FAM13A: variants seen among roughly 807,000 people sequenced by gnomAD.
FAM13A encodes the protein family with sequence similarity 13 member A.
FAM13A carries 76 observed loss-of-function variants against 129.6 expected under a neutral mutation model. The ratio of observed to expected loss-of-function variants is 0.59; its 90% CI spans 0.49 to 0.71. FAM13A has a LOEUF of 0.71. Among genes scored for constraint, FAM13A ranks in the 30% least tolerant of loss-of-function variants. The pLI is 0.00. For missense variants in FAM13A, 1,108 were observed against 1,249.3 expected, an observed-to-expected ratio of 0.89 and a Z score of 1.70; for synonymous variants, 443 against 449.9, an observed-to-expected ratio of 0.98 and a Z score of 0.20.
At chr4:88,997,647 T>C (rs1444023832) in intron 3 of FAM13A, among the ~76,000 whole-genome samples, 1 of 152,212 alleles carries the variant, frequency 6.6e-6, no homozygotes, top group Non-Finnish European at 1.5e-5. Context: ...TCTTGACATG[T>C]ATCCTAGTGT....
intron 4 of FAM13A, among the ~76,000 whole-genome samples, chr4:88,979,301 A>G (rs10470936): frequency 0.37 from 56,464 of 152,074 alleles, 10,540 homozygotes; most frequent in Middle Eastern, 0.51. Context: ...TGATACGCAT[A>G]CCCTTTAACC....
chr4:88,795,273 C>T (rs1206814643), intron 8 of FAM13A, among the ~76,000 whole-genome samples: 1 of 151,734 alleles, frequency 6.6e-6, no homozygotes, highest in Non-Finnish European at 1.5e-5. Flanking sequence ...CATACCTTCT[C>T]TAATTCATGT....
At chr4:88,743,613 AT>A (rs1740682312) in intron 19 of FAM13A, among the ~76,000 whole-genome samples, 1 of 152,142 alleles carries the variant, frequency 6.6e-6, no homozygotes, top group South Asian at 2.1e-4. Context: ...AACCGTGATG[AT>A]TTTTGGATCT....
chr4:89,049,939 T>C (rs1579935006), intron 1 of FAM13A, among the ~76,000 whole-genome samples: 1 of 136,786 alleles, frequency 7.3e-6, no homozygotes, highest in African/African-American at 3.7e-5. Context: ...GCAACATTAA[T>C]TTAACAACTA....
intron 5 of FAM13A, among the ~76,000 whole-genome samples, chr4:88,919,786 T>A (rs1355727533): frequency 6.6e-6 from 1 of 152,232 alleles, no homozygotes; most frequent in Admixed American, 6.5e-5. Context: ...GGGAGTTCCC[T>A]TTCCTAGTCA....
chr4:89,046,633 T>C (rs1275320465), intron 1 of FAM13A, among the ~76,000 whole-genome samples: 2 of 152,152 alleles, frequency 1.3e-5, no homozygotes, highest in Non-Finnish European at 2.9e-5. Context: ...GCAGACTGCT[T>C]GAGCCCAGGA....
intron 7 of FAM13A, among the ~76,000 whole-genome samples, chr4:88,811,601 G>A (rs3775383): frequency 7.2e-6 from 1 of 138,562 alleles, no homozygotes; most frequent in Admixed American, 7.4e-5. Context: ...GTTCTTAAGT[G>A]GGGGGTGGGA....
At chr4:88,754,547 C>T (rs139518448) in intron 14 of FAM13A, among the ~76,000 whole-genome samples, 2 of 152,250 alleles carry the variant, frequency 1.3e-5, no homozygotes, top group Non-Finnish European at 2.9e-5. Context: ...AGCCATTACT[C>T]CTTGGCAAGA....
chr4:88,879,470 C>A (rs1377470810), intron 6 of FAM13A, among the ~76,000 whole-genome samples: 2 of 152,148 alleles, frequency 1.3e-5, no homozygotes, highest in East Asian at 3.9e-4. Flanking sequence ...TCTCTCTAAG[C>A]CTGCTTTCTT....
In FAM13A at chr4:88,999,121, A is replaced by G. The variant is rs527443049; in HGVS notation, c.428-7971T>C. Among the ~76,000 whole-genome samples the G allele has an allele frequency of 2.0e-5, 3 of 152,288 alleles. No homozygotes were observed. In the South Asian group the frequency reaches 6.2e-4, roughly 32 times the overall value. ...CCTCCTGTTCCCAGAGAGAACCTGT[A>G]TGTCCAAGAGCAAAGGCCTGCAGGA... On this transcript the variant is annotated intron_variant, in intron 3 of 23. Coordinates refer to ENST00000264344, the MANE Select transcript of FAM13A (RefSeq NM_014883.4).
At chr4:88,770,220 G>C (rs1348230075) in intron 11 of FAM13A, among the ~76,000 whole-genome samples, 1 of 152,148 alleles carries the variant, frequency 6.6e-6, no homozygotes, top group African/African-American at 2.4e-5. Flanking sequence ...TTATAAAATG[G>C]CTCCCATTAA....
At chr4:88,905,513 C>A (rs1052958360) in intron 6 of FAM13A, among the ~76,000 whole-genome samples, 1 of 152,088 alleles carries the variant, frequency 6.6e-6, no homozygotes, top group African/African-American at 2.4e-5. Flanking sequence ...AGGTATTAAG[C>A]CCAGTACCCG....
At chr4:88,745,631 C>G (rs1741152019) in intron 19 of FAM13A, among the ~76,000 whole-genome samples, 1 of 152,166 alleles carries the variant, frequency 6.6e-6, no homozygotes, top group African/African-American at 2.4e-5. Context: ...GAGTGTCTCT[C>G]TGATAAAAGA....
At chr4:89,043,177 G>A (rs10024807) in intron 1 of FAM13A, among the ~76,000 whole-genome samples, 51,334 of 151,974 alleles carry the variant, frequency 0.34, 9,166 homozygotes, top group Middle Eastern at 0.47. Flanking sequence ...ACTGTCAGAA[G>A]GAGCTGAACA....
intron 13 of FAM13A, among the ~76,000 whole-genome samples, chr4:88,766,481 G>A (rs774635594): frequency 1.3e-5 from 2 of 152,314 alleles, no homozygotes; most frequent in South Asian, 2.1e-4. Flanking sequence ...AGTATATATA[G>A]GACAAGAATT....
At chr4:88,988,173 T>C (rs1286549146) in intron 4 of FAM13A, among the ~76,000 whole-genome samples, 1 of 152,036 alleles carries the variant, frequency 6.6e-6, no homozygotes, top group Non-Finnish European at 1.5e-5. Context: ...AAAGTCAATG[T>C]GGTTGAAAAA....
At chr4:88,731,291 G>C in intron 23 of FAM13A, 36 bp downstream of exon 23, 2 of 1,158,752 alleles carry the variant, frequency 1.7e-6, no homozygotes, top group East Asian at 2.4e-5. Flanking sequence ...GTGGTGCGGC[G>C]GGGGGGAAGG....
chr4:89,010,368 C>A (rs1428787704), intron 3 of FAM13A, among the ~76,000 whole-genome samples: 3 of 152,096 alleles, frequency 2.0e-5, no homozygotes, highest in African/African-American at 7.2e-5. Context: ...TTGACACTAC[C>A]AAGTGTAACA....
chr4:88,797,272 G>GTT (rs1726400740), intron 8 of FAM13A, among the ~76,000 whole-genome samples: 5 of 123,538 alleles, frequency 4.0e-5, no homozygotes, highest in African/African-American at 1.5e-4. Context: ...TAGTTTTGTG[G>GTT]GTTTTTTTTT....
Sources: allele counts gnomAD v4.1 joint callset (sites outside exome capture counted in the v4.1 genomes callset), GRCh38; gene constraint gnomAD v4.1.1; transcripts MANE v1.5; gene names NCBI Gene and HGNC (gene_info 2026-07-23, HGNC 2026-07-21).